Variants in PLXNA1 observed in about 807,000 individuals in gnomAD.
PLXNA1 encodes the protein plexin-A1.
PLXNA1 carries 77 observed loss-of-function variants against 191.7 expected under a neutral mutation model. The observed-to-expected ratio is 0.40, with a 90% CI of 0.33 to 0.49. The LOEUF (loss-of-function observed/expected upper bound fraction) is 0.49. Among genes scored for constraint, PLXNA1 ranks in the 20% least tolerant of loss-of-function variants. The pLI is 0.63. For missense variants in PLXNA1, 2,110 were observed against 2,660.2 expected (o/e 0.79, Z 4.55); for synonymous variants, 1,137 against 1,156.4 (o/e 0.98, Z 0.34).
chr3:127,022,865 G>A (rs1275696438), intron 23 of PLXNA1, 47 bp downstream of exon 23: 21 of 1,503,364 alleles, frequency 1.4e-5, no homozygotes, highest in Middle Eastern at 1.8e-4. Flanking sequence ...GGTGAACAGC[G>A]GGAGGGGAAA....
intron 29 of PLXNA1, 88 bp from the exon 30 acceptor site, chr3:127,032,299 T>G (rs1238364828): frequency 7.3e-7 from 1 of 1,366,800 alleles, no homozygotes; most frequent in African/African-American, 1.4e-5. Flanking sequence ...CCATGCCCAC[T>G]TTGGATTCGG....
chr3:127,017,137 G>T, intron 17 of PLXNA1, 100 bp downstream of exon 17: 3 of 1,158,938 alleles, frequency 2.6e-6, no homozygotes, highest in Non-Finnish European at 2.5e-6. Context: ...CCCTACCCCT[G>T]CCCCTTCCCA....
intron 3 of PLXNA1, among the ~76,000 whole-genome samples, chr3:126,999,529 C>T (rs1478393020): frequency 1.3e-5 from 2 of 152,352 alleles, no homozygotes; most frequent in East Asian, 1.9e-4. Flanking sequence ...GGGCGCGTGC[C>T]GGTCCTGGCA....
chr3:127,027,835 T>C, intron 23 of PLXNA1, 105 bp from the exon 24 acceptor site: 1 of 1,500,806 alleles, frequency 6.7e-7, no homozygotes, highest in East Asian at 2.4e-5. Flanking sequence ...GTGCTGCTCA[T>C]TTCTCCTTGC....
rs1034977443 is a variant in PLXNA1 at position 126,987,786 on chromosome 3, G to A, written c.-73-735G>A. On this transcript the variant is annotated intron_variant, in intron 1 of 31. Transcript: ENST00000393409. Reference sequence around the variant, plus strand: ...GGGGCCGTGTGGCGGGGCACCCGTCGGCTGGGGTGGGGATGTGGGTGGGAC... The same window carrying A: ...GGGGCCGTGTGGCGGGGCACCCGTCAGCTGGGGTGGGGATGTGGGTGGGAC... Among the ~76,000 whole-genome samples the A allele has an allele frequency of 3.3e-5, 5 of 152,110 alleles. No individual in the cohort carries two copies. In the South Asian group the frequency reaches 6.2e-4, roughly 19 times the overall value.
chr3:126,984,294 G>A (rs1354296468), intron 1 of PLXNA1, among the ~76,000 whole-genome samples: 2 of 152,232 alleles, frequency 1.3e-5, no homozygotes, highest in African/African-American at 2.4e-5. Flanking sequence ...AAAGAAAGGG[G>A]TGTGTGTGCC....
chr3:127,032,663 C>T (rs2079217564), intron 30 of PLXNA1, 23 bp from the exon 31 acceptor site: 3 of 1,611,626 alleles, frequency 1.9e-6, no homozygotes, highest in Non-Finnish European at 1.7e-6. Context: ...TGCTCATGTG[C>T]CCACCTGGCC....
chr3:127,033,993 G>A lies in PLXNA1; in HGVS notation c.5667G>A (p.Val1889=), dbSNP rs1337244458. 6.2e-7 allele frequency: 1 copy of A among 1,603,700 alleles called. No individual in the cohort carries two copies. The highest frequency in any genetic ancestry group is 8.5e-7 in the Non-Finnish European group (1 of 1,176,632). Residue 1889 remains valine (V), a synonymous_variant, in exon 32 of 32, where the codon GTG becomes GTA. Transcript: ENST00000393409. Reference sequence around the variant, plus strand: ...TGCGGAGCAAGCTGGAGCAGGTGGTGGACACGATGGCCCTGAGCAGCTGAG... The same window carrying A: ...TGCGGAGCAAGCTGGAGCAGGTGGTAGACACGATGGCCCTGAGCAGCTGAG... ...QRLRSKLEQV[V]DTMALSS is the part of the protein sequence containing the mutation.
Position 127,022,294 on chromosome 3 carries a change from C to T in PLXNA1, c.4248C>T (p.Ile1416=), listed in dbSNP as rs144528158. 1.2e-5 allele frequency: 20 copies of T among 1,612,936 alleles called. No homozygotes were observed. The highest frequency in any genetic ancestry group is 2.7e-5 in the African/African-American group (2 of 74,942). Residue 1416 remains isoleucine, a synonymous_variant, in exon 22 of 32, where the codon ATC becomes ATT. Coordinates refer to ENST00000393409, the MANE Select transcript of PLXNA1 (RefSeq NM_032242.4). ...GVLKQLLSDL[I]EKNLESKNHP... Reference sequence around the variant, plus strand: ...TCAAGCAGCTGCTTTCCGACCTCATCGAGAAGAACCTGGAGAGCAAGAACC... The same window carrying T: ...TCAAGCAGCTGCTTTCCGACCTCATTGAGAAGAACCTGGAGAGCAAGAACC...
At chr3:127,012,287 C>A in intron 10 of PLXNA1, 129 bp downstream of exon 10, 1 of 964,824 alleles carries the variant, frequency 1.0e-6, no homozygotes, top group South Asian at 1.6e-5. Context: ...TCTGATGAGT[C>A]AGAAGCCACT....
chr3:127,011,631 A>G (rs1380136155), intron 9 of PLXNA1, among the ~76,000 whole-genome samples: 1 of 152,102 alleles, frequency 6.6e-6, no homozygotes, highest in African/African-American at 2.4e-5. Flanking sequence ...CCCCCAGCGC[A>G]GAGCCTGCAG....
At position 127,020,199 on chromosome 3, in the gene PLXNA1, C is replaced by A. The variant is rs571281036; in HGVS notation, c.3896-3C>A. On this transcript the variant is annotated splice_region_variant and splice_polypyrimidine_tract_variant and intron_variant, in intron 20 of 31. Coordinates refer to ENST00000393409, the MANE Select transcript of PLXNA1 (RefSeq NM_032242.4). ...CTGCCCCTGACGCCGCATCTGGCCACAGCCTTTGCAGAGCTGCAGACAGAC... is the reference window on the plus strand; with the variant it reads ...CTGCCCCTGACGCCGCATCTGGCCAAAGCCTTTGCAGAGCTGCAGACAGAC... 33 of 1,612,578 alleles carry A rather than the reference C, an allele frequency of 2.0e-5. No individual in the cohort carries two copies. The South Asian group carries it at 3.5e-4, about 17-fold the overall frequency.
intron 9 of PLXNA1, 108 bp downstream of exon 9, chr3:127,008,021 A>T (rs2079077241): frequency 1.5e-6 from 1 of 673,194 alleles, no homozygotes; most frequent in South Asian, 2.0e-5. Flanking sequence ...GCACCTGTGG[A>T]TGTCTGGGAT....
chr3:127,020,064 G>A, intron 20 of PLXNA1, 138 bp from the exon 21 acceptor site: 1 of 1,045,066 alleles, frequency 9.6e-7, no homozygotes, highest in Non-Finnish European at 1.4e-6. Context: ...GGGACGAAGA[G>A]GCACAGTAGT....
Position 126,995,501 on chromosome 3 carries a change from C to T in PLXNA1, c.1377+3935C>T, listed in dbSNP as rs188706348. ...CCCTGTGGGCCGGCTGACGGGCACC[C>T]GAGGCCAGCCCTGCTCTGGTCCTGC... On this transcript the variant is annotated intron_variant, in intron 3 of 31. Coordinates refer to ENST00000393409, the MANE Select transcript of PLXNA1 (RefSeq NM_032242.4). Among the ~76,000 whole-genome samples, 5 of 152,368 alleles carry T rather than the reference C, an allele frequency of 3.3e-5. No homozygotes were observed. In the East Asian group the frequency reaches 5.8e-4, roughly 18 times the overall value.
At chr3:127,018,623 G>A (rs73861745) in intron 20 of PLXNA1, 95 bp downstream of exon 20, 88,226 of 928,402 alleles carry the variant, frequency 0.095, 6,328 homozygotes, top group East Asian at 0.27. Context: ...CCCCCACCCT[G>A]CTTCAGCTCA....
intron 3 of PLXNA1, among the ~76,000 whole-genome samples, chr3:126,998,517 G>A (rs1211699081): frequency 2.0e-5 from 3 of 152,206 alleles, no homozygotes; most frequent in Non-Finnish European, 2.9e-5. Flanking sequence ...GTATGTGACT[G>A]AGGTGGTGCA....
intron 8 of PLXNA1, 129 bp downstream of exon 8, chr3:127,006,307 A>G: frequency 1.4e-6 from 1 of 732,794 alleles, no homozygotes; most frequent in Non-Finnish European, 2.4e-6. Context: ...TGGTGATTCC[A>G]TGATTGGGGC....
At chr3:126,983,626 G>A (rs1281998323) in intron 1 of PLXNA1, among the ~76,000 whole-genome samples, 1 of 148,726 alleles carries the variant, frequency 6.7e-6, no homozygotes, top group Non-Finnish European at 1.5e-5. Flanking sequence ...CCCCCCGGCC[G>A]GGCCCGCCGA....
Sources: allele counts gnomAD v4.1 joint callset (sites outside exome capture counted in the v4.1 genomes callset), GRCh38; gene constraint gnomAD v4.1.1; transcripts MANE v1.5; gene names NCBI Gene and HGNC (gene_info 2026-07-23, HGNC 2026-07-21).